SLC35F1: variants seen among roughly 807,000 people sequenced by gnomAD.
SLC35F1 encodes the protein chromosome 6 open reading frame 169.
A neutral mutation model predicts 48.7 loss-of-function variants in SLC35F1; 14 were observed. The observed-to-expected ratio is 0.29, with a 90% CI of 0.19 to 0.45. The LOEUF (loss-of-function observed/expected upper bound fraction) is 0.45. Among genes scored for constraint, SLC35F1 ranks in the 20% least tolerant of loss-of-function variants. The probability of loss-of-function intolerance (pLI) is 1.00; values close to 1 mark genes in which losing one functional copy is unlikely to be tolerated. For missense variants in SLC35F1, 404 were observed against 500.0 expected, an observed-to-expected ratio of 0.81 and a Z score of 1.83; for synonymous variants, 190 against 202.2, an observed-to-expected ratio of 0.94 and a Z score of 0.51.
intron 1 of SLC35F1, among the ~76,000 whole-genome samples, chr6:117,952,308 T>C (rs1776372397): frequency 6.6e-6 from 1 of 152,168 alleles, no homozygotes; most frequent in African/African-American, 2.4e-5. Context: ...GAATGTTCAA[T>C]CAATTTTTCC....
At chr6:118,242,936 G>T (rs987064871) in intron 3 of SLC35F1, among the ~76,000 whole-genome samples, 4 of 152,290 alleles carry the variant, frequency 2.6e-5, no homozygotes, top group African/African-American at 9.6e-5. Flanking sequence ...CAGCTCTTCA[G>T]ATTCTTTAAG....
At chr6:118,195,950 T>G (rs1423026998) in intron 2 of SLC35F1, among the ~76,000 whole-genome samples, 1 of 152,162 alleles carries the variant, frequency 6.6e-6, no homozygotes, top group Non-Finnish European at 1.5e-5. Context: ...ACACCATCTA[T>G]TAAAAACTCC....
At chr6:117,979,272 C>T (rs754136101) in intron 1 of SLC35F1, among the ~76,000 whole-genome samples, 1 of 152,174 alleles carries the variant, frequency 6.6e-6, no homozygotes, top group Admixed American at 6.5e-5. Flanking sequence ...GAACAGGGCT[C>T]AGGTTGGAGA....
intron 1 of SLC35F1, among the ~76,000 whole-genome samples, chr6:117,962,654 T>A (rs1776514062): frequency 6.6e-6 from 1 of 152,142 alleles, no homozygotes; most frequent in South Asian, 2.1e-4. Flanking sequence ...CCTCTCCTAC[T>A]GATAGACACT....
chr6:117,920,873 G>A (rs1396130188), intron 1 of SLC35F1, among the ~76,000 whole-genome samples: 1 of 151,954 alleles, frequency 6.6e-6, no homozygotes, highest in Non-Finnish European at 1.5e-5. Flanking sequence ...ATGATATCTT[G>A]ACCTTTTGTG....
At chr6:118,284,955 A>C (rs559702392) in intron 6 of SLC35F1, among the ~76,000 whole-genome samples, 1 of 152,266 alleles carries the variant, frequency 6.6e-6, no homozygotes, top group East Asian at 1.9e-4. Context: ...GCAAAATGTC[A>C]GCAATGCAAT....
intron 6 of SLC35F1, among the ~76,000 whole-genome samples, chr6:118,281,202 CTCTATA>C (rs1257350197): frequency 2.2e-4 from 28 of 127,296 alleles, no homozygotes; most frequent in South Asian, 8.2e-4. Context: ...CTCTCTCTCT[CTCTATA>C]TATATATATA....
chr6:117,957,612 C>A (rs1284031599), intron 1 of SLC35F1, among the ~76,000 whole-genome samples: 1 of 152,104 alleles, frequency 6.6e-6, no homozygotes, highest in Non-Finnish European at 1.5e-5. Flanking sequence ...TAGTCATGTG[C>A]CACATAATGA....
intron 7 of SLC35F1, among the ~76,000 whole-genome samples, chr6:118,290,471 A>G (rs1430236692): frequency 6.6e-6 from 1 of 151,600 alleles, no homozygotes; most frequent in African/African-American, 2.4e-5. Flanking sequence ...ACTACCTTGT[A>G]TTGTTTTCCA....
At chr6:118,197,043 C>T (rs1302836896) in intron 2 of SLC35F1, among the ~76,000 whole-genome samples, 1 of 151,246 alleles carries the variant, frequency 6.6e-6, no homozygotes, top group African/African-American at 2.4e-5. Context: ...AAAAGTACTT[C>T]TGTGAGATGA....
intron 1 of SLC35F1, among the ~76,000 whole-genome samples, chr6:118,019,701 C>T (rs896186323): frequency 5.9e-5 from 9 of 152,120 alleles, no homozygotes; most frequent in Non-Finnish European, 1.2e-4. Context: ...ATTTCATTAG[C>T]ATTATCAGAA....
intron 1 of SLC35F1, among the ~76,000 whole-genome samples, chr6:118,129,519 T>A (rs915359137): frequency 1.3e-5 from 2 of 152,080 alleles, no homozygotes; most frequent in Admixed American, 1.3e-4. Context: ...GGGACCCTGA[T>A]GGGAGTGAGG....
intron 1 of SLC35F1, among the ~76,000 whole-genome samples, chr6:117,997,382 T>C (rs1480817014): frequency 1.4e-5 from 2 of 146,452 alleles, no homozygotes; most frequent in Admixed American, 6.7e-5. Context: ...TTCCCCCATC[T>C]AGCAAGGCAG....
At chr6:118,006,457 A>C (rs9968789) in intron 1 of SLC35F1, among the ~76,000 whole-genome samples, 48,813 of 151,708 alleles carry the variant, frequency 0.32, 7,992 homozygotes, top group Admixed American at 0.39. Flanking sequence ...TCTCTACAAA[A>C]AATTTTTAAA....
At chr6:118,049,590 T>C (rs1339716781) in intron 1 of SLC35F1, among the ~76,000 whole-genome samples, 7 of 151,322 alleles carry the variant, frequency 4.6e-5, no homozygotes, top group Non-Finnish European at 1.0e-4. Flanking sequence ...AAGACATTTA[T>C]GCAGCCAAAA....
At chr6:118,195,267 G>T (rs1774785850) in intron 2 of SLC35F1, among the ~76,000 whole-genome samples, 1 of 152,114 alleles carries the variant, frequency 6.6e-6, no homozygotes, top group African/African-American at 2.4e-5. Context: ...TAAGATAAAA[G>T]GTTAGCAGAT....
At chr6:117,948,559 C>G in intron 1 of SLC35F1, among the ~76,000 whole-genome samples, 1 of 152,040 alleles carries the variant, frequency 6.6e-6, no homozygotes, top group East Asian at 1.9e-4. Context: ...AAACATTGTC[C>G]AGAATCTATC....
At chr6:117,908,412 G>A (rs1184754375) in intron 1 of SLC35F1, among the ~76,000 whole-genome samples, 2 of 152,222 alleles carry the variant, frequency 1.3e-5, no homozygotes, top group Admixed American at 6.5e-5. Context: ...CCTAGCAGGC[G>A]GAGGGAACCC....
intron 1 of SLC35F1, among the ~76,000 whole-genome samples, chr6:118,105,116 G>T (rs751173095): frequency 1.1e-4 from 16 of 152,154 alleles, no homozygotes; most frequent in Non-Finnish European, 1.6e-4. Flanking sequence ...TGGTAGATCT[G>T]TTACTCTGTT....
Sources: gnomAD v4.1 joint callset for allele counts (sites outside exome capture counted in the v4.1 genomes callset) on GRCh38, gnomAD v4.1.1 for gene constraint, MANE v1.5 for transcripts, NCBI Gene and HGNC (gene_info 2026-07-23, HGNC 2026-07-21) for gene names.